The following ZFHX3 variants were observed in gnomAD, a reference collection of about 807,000 sequenced individuals.
ZFHX3 encodes the protein zinc finger homeobox protein 3.
A neutral mutation model predicts 279.1 loss-of-function variants in ZFHX3; 42 were observed. That is an observed-to-expected ratio of 0.15 (90% CI 0.12 to 0.19). ZFHX3 has a LOEUF of 0.19. Ranked by LOEUF, ZFHX3 falls within the 10% of genes least tolerant of loss-of-function variation. The pLI is 1.00. For synonymous variants in ZFHX3, 2,293 were observed against 1,957.8 expected (o/e 1.17, Z -4.52); for missense variants, 4,981 against 4,754.0 (o/e 1.05, Z -1.40).
chr16:72,905,807 G>C (rs1597366058), intron 3 of ZFHX3, among the ~76,000 whole-genome samples: 3 of 152,206 alleles, frequency 2.0e-5, no homozygotes, highest in African/African-American at 7.2e-5. Flanking sequence ...CAGCTCCGAT[G>C]AGTCAGAATG....
At chr16:73,134,345 T>TC in intron 6 of ZFHX3, among the ~76,000 whole-genome samples, 1 of 142,108 alleles carries the variant, frequency 7.0e-6, no homozygotes, top group Middle Eastern at 3.4e-3. Context: ...TTTTTTTTTT[T>TC]TTTTTTTTTT....
intron 2 of ZFHX3, among the ~76,000 whole-genome samples, chr16:73,465,129 T>TGA (rs2018543090): frequency 6.6e-6 from 1 of 152,216 alleles, no homozygotes. Context: ...TCTCGGTACT[T>TGA]GAGAGAGACA....
chr16:73,738,873 G>T (rs1261320843), intron 1 of ZFHX3, among the ~76,000 whole-genome samples: 1 of 152,122 alleles, frequency 6.6e-6, no homozygotes, highest in Non-Finnish European at 1.5e-5. Context: ...TTACAAGATG[G>T]AAGAAAGGGA....
At chr16:73,688,356 CAAAAA>C (rs61469980) in intron 1 of ZFHX3, among the ~76,000 whole-genome samples, 1 of 103,786 alleles carries the variant, frequency 9.6e-6, no homozygotes, top group Non-Finnish European at 1.9e-5. Context: ...GACTCCATCT[CAAAAA>C]AAAAAAAAAA....
At chr16:73,355,480 T>A (rs1414509509) in intron 3 of ZFHX3, among the ~76,000 whole-genome samples, 1 of 152,172 alleles carries the variant, frequency 6.6e-6, no homozygotes, top group East Asian at 1.9e-4. Flanking sequence ...GCCATGGAGC[T>A]TTTTGGTGGC....
chr16:73,418,395 C>T (rs1042649071), intron 3 of ZFHX3, among the ~76,000 whole-genome samples: 4 of 152,120 alleles, frequency 2.6e-5, no homozygotes, highest in African/African-American at 9.7e-5. Context: ...CCCCCTGTCA[C>T]GGGAAAGGAT....
chr16:73,204,962 G>T (rs1455732032), intron 5 of ZFHX3, among the ~76,000 whole-genome samples: 2 of 152,138 alleles, frequency 1.3e-5, no homozygotes, highest in African/African-American at 4.8e-5. Context: ...TAACTTACAA[G>T]GGAGCCTAAT....
intron 5 of ZFHX3, among the ~76,000 whole-genome samples, chr16:73,186,818 G>A (rs754676372): frequency 6.6e-6 from 1 of 152,064 alleles, no homozygotes; most frequent in Non-Finnish European, 1.5e-5. Flanking sequence ...TGACCTCAGA[G>A]GTCATCACTC....
intron 7 of ZFHX3, among the ~76,000 whole-genome samples, chr16:73,105,725 C>G (rs1966295727): frequency 6.6e-6 from 1 of 152,026 alleles, no homozygotes; most frequent in Admixed American, 6.6e-5. Context: ...TGCACTCCAG[C>G]CTGTGTGAGA....
chr16:73,866,091 C>T (rs1483036251), intron 1 of ZFHX3, among the ~76,000 whole-genome samples: 1 of 151,846 alleles, frequency 6.6e-6, no homozygotes, highest in Non-Finnish European at 1.5e-5. Context: ...GAGCCTCAAT[C>T]TCCCGGGCTC....
At chr16:73,056,802 C>G (rs550246075) in intron 1 of ZFHX3, among the ~76,000 whole-genome samples, 15 of 152,204 alleles carry the variant, frequency 9.9e-5, no homozygotes, top group African/African-American at 2.4e-5. Context: ...CTTCTCCCCT[C>G]GCCCACTGCC....
intron 1 of ZFHX3, among the ~76,000 whole-genome samples, chr16:73,782,288 A>G (rs1403328260): frequency 6.6e-6 from 1 of 152,226 alleles, no homozygotes. Context: ...AGTGACCTAC[A>G]AGGCAGAGAC....
chr16:73,199,967 T>C (rs971690738), intron 5 of ZFHX3, among the ~76,000 whole-genome samples: 2 of 152,222 alleles, frequency 1.3e-5, no homozygotes, highest in Non-Finnish European at 2.9e-5. Context: ...TTATGATCTT[T>C]TAAAAAATTA....
rs144974009 is a variant in ZFHX3, at chr16:73,404,050, A to G, written c.-1291+51953T>C. 7.8e-3 allele frequency among the ~76,000 whole-genome samples: 1,186 copies of G among 152,282 alleles called. 14 individuals are homozygous for G. Among genetic ancestry groups the G allele is most frequent in the African/African-American group, 0.027 (1,137 of 41,552 alleles). On this transcript the variant is annotated intron_variant, in intron 3 of 17. Transcript: ENST00000641206. ...TTCAGATCTTAGAAAAGCACTGAGGAAAAAAACCAAAAATGCTTTTTGCAC... is the reference window on the plus strand; with the variant it reads ...TTCAGATCTTAGAAAAGCACTGAGGGAAAAAACCAAAAATGCTTTTTGCAC...
intron 1 of ZFHX3, among the ~76,000 whole-genome samples, chr16:73,769,064 G>A (rs557787900): frequency 6.6e-5 from 10 of 152,106 alleles, no homozygotes; most frequent in African/African-American, 1.2e-4. Flanking sequence ...TCTGAAATTC[G>A]AACTAAACTG....
intron 1 of ZFHX3, among the ~76,000 whole-genome samples, chr16:73,814,989 T>C (rs539513418): frequency 6.6e-6 from 1 of 152,292 alleles, no homozygotes; most frequent in South Asian, 2.1e-4. Flanking sequence ...TTAATCACCA[T>C]ACTTAAAAGT....
chr16:73,313,316 T>G (rs796793691), intron 4 of ZFHX3, among the ~76,000 whole-genome samples: 31 of 152,332 alleles, frequency 2.0e-4, no homozygotes, highest in African/African-American at 7.5e-4. Context: ...CTTGGGTAGT[T>G]CTTTATAGCA....
Position 73,180,953 on chromosome 16 carries a change from G to T in ZFHX3, c.-1103-37122C>A, listed in dbSNP as rs75265189. The stretch of plus-strand genomic sequence containing the variant: ...GCTGGGATTACAGGCGTGAGCCACC[G>T]CGCCTGGCCCATTGTGCTTCTTTAA... On this transcript the variant is annotated intron_variant, in intron 5 of 17. Coordinates refer to the ZFHX3 transcript ENST00000641206. Among the ~76,000 whole-genome samples, 36 of 152,146 alleles carry T rather than the reference G, an allele frequency of 2.4e-4. No homozygotes were observed. In the East Asian group the frequency reaches 7.0e-3, roughly 30 times the overall value.
At chr16:73,434,350 AG>A (rs1278997892) in intron 3 of ZFHX3, among the ~76,000 whole-genome samples, 1 of 152,232 alleles carries the variant, frequency 6.6e-6, no homozygotes, top group Non-Finnish European at 1.5e-5. Context: ...AGGAAACCAA[AG>A]CCCCTGAAGC....
Sources: gnomAD v4.1 joint callset for allele counts (sites outside exome capture counted in the v4.1 genomes callset) on GRCh38, gnomAD v4.1.1 for gene constraint, MANE v1.5 for transcripts, NCBI Gene and HGNC (gene_info 2026-07-23, HGNC 2026-07-21) for gene names.